FARP1: variants seen among roughly 807,000 people sequenced by gnomAD.
The protein encoded by FARP1 is FERM, ARH/RhoGEF and pleckstrin domain protein 1.
In FARP1, 52 loss-of-function variants were observed where a neutral mutation model predicts 128.8. That is an observed-to-expected ratio of 0.40 (90% confidence interval 0.32 to 0.51). The LOEUF (loss-of-function observed/expected upper bound fraction) is 0.51. FARP1 is among the 20% of genes least tolerant of loss of function. The pLI is 0.45. For missense variants in FARP1, 1,333 were observed against 1,367.9 expected (o/e 0.97, Z 0.40); for synonymous variants, 580 against 551.8 (o/e 1.05, Z -0.72).
At position 98,417,454 on chromosome 13, in the gene FARP1, T is replaced by TGG. The variant is rs201387456; in HGVS notation, c.1826+5421_1826+5422insGG. Among the ~76,000 whole-genome samples, 197 of 48,652 alleles carry TGG rather than the reference T, an allele frequency of 4.0e-3. 5 individuals are homozygous for TGG. Among genetic ancestry groups the TGG allele is most frequent in the African/African-American group, 0.016 (181 of 11,440 alleles). 31.9% of individuals were successfully genotyped at this position (48,652 alleles called of 152,430 possible). ...AAGGAAACAGAGGCCACCAGAGGTT[T>TGG]GAAAAAAAAAAAAAAAAAAAAAAAA... On this transcript the variant is annotated intron_variant, in intron 16 of 26. Transcript: ENST00000319562.
At chr13:98,218,229 C>T (rs1405347791) in intron 2 of FARP1, among the ~76,000 whole-genome samples, 3 of 152,020 alleles carry the variant, frequency 2.0e-5, no homozygotes, top group Non-Finnish European at 2.9e-5. Context: ...GATCAAAATC[C>T]CACCAACTGC....
chr13:98,286,776 C>T (rs1218582554), intron 2 of FARP1, among the ~76,000 whole-genome samples: 1 of 152,182 alleles, frequency 6.6e-6, no homozygotes, highest in African/African-American at 2.4e-5. Context: ...TACTTTGTCC[C>T]AGGCACTTCT....
At chr13:98,167,020 C>G (rs1487030298) in intron 1 of FARP1, among the ~76,000 whole-genome samples, 1 of 152,160 alleles carries the variant, frequency 6.6e-6, no homozygotes, top group Non-Finnish European at 1.5e-5. Flanking sequence ...TGCCACCACA[C>G]CCGGTCCAGT....
chr13:98,446,167 T>G lies in FARP1; in HGVS notation c.2866T>G (p.Phe956Val). ...SNGWQKLWVVFTNFCLFFYKS... is the reference protein window; with the variant it reads ...SNGWQKLWVVVTNFCLFFYKS... ...CGGGTGGCAGAAGCTGTGGGTGGTG[T>G]TCACAAACTTCTGCCTGTTCTTCTA... The change falls in exon 25 of 27, where the codon TTC becomes GTC. Residue 956 changes from phenylalanine (F) to valine (V), a missense_variant. Transcript: ENST00000319562. The G allele has an allele frequency of 6.2e-6, 10 of 1,613,874 alleles. No homozygotes were observed. The highest frequency in any genetic ancestry group is 7.6e-6 in the Non-Finnish European group (9 of 1,179,752).
At chr13:98,144,326 C>T in intron 1 of FARP1, among the ~76,000 whole-genome samples, 1 of 151,962 alleles carries the variant, frequency 6.6e-6, no homozygotes, top group East Asian at 1.9e-4. Flanking sequence ...GTAGGGTTCC[C>T]CAGAAAGGAG....
intron 16 of FARP1, among the ~76,000 whole-genome samples, chr13:98,412,639 A>T (rs1276149377): frequency 6.6e-6 from 1 of 152,250 alleles, no homozygotes; most frequent in Non-Finnish European, 1.5e-5. Context: ...TTGGTTAAAA[A>T]TTATCTTAAG....
At chr13:98,177,307 G>A in intron 1 of FARP1, 1 of 1,282,422 alleles carries the variant, frequency 7.8e-7, no homozygotes, top group Non-Finnish European at 1.1e-6. Context: ...GCTGCACGTG[G>A]GGCGTGGGCC....
intron 8 of FARP1, among the ~76,000 whole-genome samples, chr13:98,387,943 G>A (rs143706844): frequency 3.3e-5 from 5 of 152,278 alleles, no homozygotes; most frequent in East Asian, 1.9e-4. Context: ...ATAAATCCAC[G>A]TTGCAGTTTC....
At chr13:98,303,386 G>A (rs1886001146) in intron 2 of FARP1, among the ~76,000 whole-genome samples, 1 of 152,232 alleles carries the variant, frequency 6.6e-6, no homozygotes. Context: ...GAATTTTATA[G>A]CATGTACATC....
intron 1 of FARP1, among the ~76,000 whole-genome samples, chr13:98,188,721 G>A (rs1162714290): frequency 6.6e-6 from 1 of 152,178 alleles, no homozygotes; most frequent in Non-Finnish European, 1.5e-5. Context: ...GGGAGGTGGA[G>A]TCTGCGGTGT....
At chr13:98,365,498 T>G in intron 4 of FARP1, 61 bp downstream of exon 4, 1 of 1,234,436 alleles carries the variant, frequency 8.1e-7, no homozygotes, top group Admixed American at 1.8e-5. Flanking sequence ...GTTTCATGTC[T>G]AGACATCTCT....
intron 1 of FARP1, among the ~76,000 whole-genome samples, chr13:98,186,093 C>T (rs1341353112): frequency 4.6e-5 from 7 of 152,028 alleles, no homozygotes; most frequent in Non-Finnish European, 2.9e-5. Flanking sequence ...ATCTGCAGAA[C>T]GTTTTCTTTT....
chr13:98,144,195 G>A (rs1875324710), intron 1 of FARP1, among the ~76,000 whole-genome samples: 1 of 151,674 alleles, frequency 6.6e-6, no homozygotes, highest in Non-Finnish European at 1.5e-5. Flanking sequence ...GCTGGACCCC[G>A]GAGACTCTGT....
At chr13:98,304,348 G>A (rs1886046334) in intron 2 of FARP1, among the ~76,000 whole-genome samples, 1 of 152,174 alleles carries the variant, frequency 6.6e-6, no homozygotes, top group African/African-American at 2.4e-5. Context: ...TAAGAACTAG[G>A]TGGGAAGAAA....
At chr13:98,329,903 G>A (rs549740323) in intron 2 of FARP1, 5 of 152,250 alleles carry the variant, frequency 3.3e-5, no homozygotes, top group South Asian at 2.1e-4. Flanking sequence ...TGTAAGGAGC[G>A]TTAGAAGAAG....
chr13:98,195,549 G>A (rs969504043), intron 1 of FARP1, among the ~76,000 whole-genome samples: 2 of 152,186 alleles, frequency 1.3e-5, no homozygotes, highest in African/African-American at 2.4e-5. Context: ...CATCCAGAGC[G>A]TTGTTGGAGC....
chr13:98,270,852 C>T (rs987515342), intron 2 of FARP1, among the ~76,000 whole-genome samples: 50 of 152,200 alleles, frequency 3.3e-4, no homozygotes, highest in Non-Finnish European at 5.6e-4. Context: ...TCACGCAAGG[C>T]AGTGTACAGA....
chr13:98,224,618 G>A (rs1403671135), intron 2 of FARP1, among the ~76,000 whole-genome samples: 1 of 150,858 alleles, frequency 6.6e-6, no homozygotes, highest in Non-Finnish European at 1.5e-5. Flanking sequence ...GTGAAACAGA[G>A]CTGAGTCCCT....
intron 2 of FARP1, among the ~76,000 whole-genome samples, chr13:98,217,700 T>A (rs1566754995): frequency 6.6e-6 from 1 of 152,188 alleles, no homozygotes; most frequent in South Asian, 2.1e-4. Flanking sequence ...CGGTTTGTTT[T>A]CTGCATTAGC....
Sources: gnomAD v4.1 joint callset for allele counts (sites outside exome capture counted in the v4.1 genomes callset) on GRCh38, gnomAD v4.1.1 for gene constraint, MANE v1.5 for transcripts, NCBI Gene and HGNC (gene_info 2026-07-23, HGNC 2026-07-21) for gene names.